Variants in TPCN1 observed in about 807,000 individuals in gnomAD.
TPCN1 encodes the protein two pore segment channel 1.
A neutral mutation model predicts 108.8 loss-of-function variants in TPCN1; 52 were observed. That is an observed-to-expected ratio of 0.48 (90% CI 0.38 to 0.60). The LOEUF (loss-of-function observed/expected upper bound fraction) is 0.60, where lower values mean the gene tolerates loss of function less well. TPCN1 is among the 20% of genes least tolerant of loss of function. TPCN1 has a pLI of 0.00. For missense variants in TPCN1, 806 were observed against 1,072.8 expected (o/e 0.75, Z 3.47); for synonymous variants, 446 against 433.7 (o/e 1.03, Z -0.35).
In TPCN1 at chr12:113,289,656, A is replaced by G. The variant is rs571865807; in HGVS notation, c.1797-472A>G. Among the ~76,000 whole-genome samples, 163 of 152,346 alleles carry G rather than the reference A, an allele frequency of 1.1e-3. 1 individual carries two copies. The highest frequency in any genetic ancestry group is 3.8e-3 in the African/African-American group (158 of 41,590). On this transcript the variant is annotated intron_variant, in intron 21 of 27. Coordinates refer to ENST00000335509, the MANE Select transcript of TPCN1 (RefSeq NM_017901.6). This position sits in a 1 kb window ranked among gnomAD's most constrained non-coding sequence, Gnocchi z 4.1. ...AGAACAGCCATAAAAGATTGGAAGGAAAGTGGCAAATAAGAGCTCCTCAAA... is the reference window on the plus strand; with the variant it reads ...AGAACAGCCATAAAAGATTGGAAGGGAAGTGGCAAATAAGAGCTCCTCAAA...
intron 2 of TPCN1, among the ~76,000 whole-genome samples, chr12:113,255,565 A>C (rs1343815053): frequency 6.6e-6 from 1 of 151,924 alleles, no homozygotes; most frequent in African/African-American, 2.4e-5. Context: ...TCAGTCTGTA[A>C]GCCAAGCTGG....
chr12:113,242,056 C>T (rs1197806913), intron 2 of TPCN1, among the ~76,000 whole-genome samples: 1 of 152,028 alleles, frequency 6.6e-6, no homozygotes, highest in Admixed American at 6.6e-5. Flanking sequence ...TCTGGCAAAC[C>T]GGGGGGCATG....
intron 2 of TPCN1, chr12:113,244,361 G>T (rs1437667428): frequency 1.0e-6 from 1 of 985,352 alleles, no homozygotes; most frequent in Non-Finnish European, 1.2e-6. Flanking sequence ...CCTTTCTGAA[G>T]GTTGGTACAT....
Position 113,285,965 on chromosome 12 carries a change from A to C in TPCN1, c.1526+4A>C. On this transcript the variant is annotated splice_donor_region_variant and intron_variant, in intron 18 of 27. Coordinates refer to ENST00000335509, the MANE Select transcript of TPCN1 (RefSeq NM_017901.6). ...ACTTGTCTTCCGGATGGAACTTGTG[A>C]GTGGACAGCATGTTTCTGACCCAAA... The C allele has an allele frequency of 1.2e-6, 2 of 1,613,644 alleles. No homozygotes were observed. The highest frequency in any genetic ancestry group is 1.7e-6 in the Non-Finnish European group (2 of 1,179,574).
At position 113,261,806 on chromosome 12, in the gene TPCN1, T is replaced by G. The variant is rs993351463; in HGVS notation, c.237+1314T>G. On this transcript the variant is annotated intron_variant, in intron 3 of 27. Coordinates refer to ENST00000335509, the MANE Select transcript of TPCN1 (RefSeq NM_017901.6). ...GATAATCTTGAATATTTTCCCTTAT[T>G]GTAAATTATAGTCCAAGGACAATCT... Among the ~76,000 whole-genome samples the G allele has an allele frequency of 9.2e-5, 14 of 152,328 alleles. No individual in the cohort carries two copies. In the East Asian group the frequency reaches 2.7e-3, roughly 29 times the overall value.
At chr12:113,229,853 G>A (rs1361715987) in intron 2 of TPCN1, among the ~76,000 whole-genome samples, 1 of 152,066 alleles carries the variant, frequency 6.6e-6, no homozygotes, top group Non-Finnish European at 1.5e-5. Flanking sequence ...AAGCTTCCTG[G>A]GACTTTCCCA....
rs200321383 is a variant in TPCN1 at position 113,267,830 on chromosome 12, C to T, written c.415-13C>T. 2 of 1,599,276 alleles carry T rather than the reference C, an allele frequency of 1.3e-6. No individual in the cohort carries two copies. Among genetic ancestry groups the T allele is most frequent in the Admixed American group, 1.7e-5 (1 of 59,984 alleles). On this transcript the variant is annotated splice_polypyrimidine_tract_variant and intron_variant, in intron 4 of 27. Transcript: ENST00000335509. Reference sequence around the variant, plus strand: ...GGCTGGCCATGACACATCTCCACACCCTCTGGTCTCAGGTCCACGCCACCC... The same window carrying T: ...GGCTGGCCATGACACATCTCCACACTCTCTGGTCTCAGGTCCACGCCACCC...
At chr12:113,240,977 C>G (rs896154772) in intron 2 of TPCN1, among the ~76,000 whole-genome samples, 1 of 152,198 alleles carries the variant, frequency 6.6e-6, no homozygotes, top group African/African-American at 2.4e-5. Context: ...AACTTCTGAC[C>G]TCAGGTGAAC....
intron 2 of TPCN1, among the ~76,000 whole-genome samples, chr12:113,236,350 AGGC>A (rs1330613651): frequency 6.6e-6 from 1 of 152,194 alleles, no homozygotes; most frequent in Non-Finnish European, 1.5e-5. Flanking sequence ...TGGTGCCTGT[AGGC>A]ATTTGAGTTT....
chr12:113,257,436 A>G (rs908229330), intron 2 of TPCN1, among the ~76,000 whole-genome samples: 1 of 151,378 alleles, frequency 6.6e-6, no homozygotes, highest in Non-Finnish European at 1.5e-5. Context: ...GGTTTTAGTG[A>G]GCTGAGATGG....
At chr12:113,275,143 T>C (rs1955628654) in intron 10 of TPCN1, among the ~76,000 whole-genome samples, 1 of 152,200 alleles carries the variant, frequency 6.6e-6, no homozygotes, top group South Asian at 2.1e-4. Flanking sequence ...TTTATGCTTC[T>C]GCAGAGCATT....
intron 12 of TPCN1, 130 bp from the exon 13 acceptor site, chr12:113,278,059 G>T: frequency 1.4e-6 from 1 of 703,208 alleles, no homozygotes. Flanking sequence ...TGCTGTGCTG[G>T]GACTCACATG....
At chr12:113,229,605 C>T (rs1953603733) in intron 2 of TPCN1, among the ~76,000 whole-genome samples, 1 of 152,236 alleles carries the variant, frequency 6.6e-6, no homozygotes, top group African/African-American at 2.4e-5. Context: ...TCTCCTGCCT[C>T]AGCCTCCCAA....
At chr12:113,293,194 G>C in intron 26 of TPCN1, 75 bp from the exon 27 acceptor site, 1 of 1,604,534 alleles carries the variant, frequency 6.2e-7, no homozygotes, top group Non-Finnish European at 8.5e-7. Flanking sequence ...AGAGAAGTGG[G>C]AGACGCCAAC....
In TPCN1 at chr12:113,272,276, C is replaced by G. The variant is rs981121753; in HGVS notation, c.749-382C>G. 6.6e-6 allele frequency among the ~76,000 whole-genome samples: 1 copy of G among 152,240 alleles called. No individual in the cohort carries two copies. The highest frequency in any genetic ancestry group is 2.4e-5 in the African/African-American group (1 of 41,468). On this transcript the variant is annotated intron_variant, in intron 7 of 27. Transcript: ENST00000335509. This position sits in a 1 kb window ranked among gnomAD's most constrained non-coding sequence, Gnocchi z 4.1. ...GCGGATCCCTTTGGAATTTAGTCAG[C>G]TGTCATGTTCTCAGAACCTAAGATT...
Position 113,288,506 on chromosome 12 carries a change from C to T in TPCN1, c.1707-252C>T. The T allele has an allele frequency of 1.3e-6, 2 of 1,500,744 alleles. No individual in the cohort carries two copies. Among genetic ancestry groups the T allele is most frequent in the Non-Finnish European group, 1.8e-6 (2 of 1,127,776 alleles). 93.0% of individuals were successfully genotyped at this position (1,500,744 alleles called of 1,614,324 possible). Reference sequence around the variant, plus strand: ...GTCTACATTCACAGGTAAGGGGTCACCTGTGAGTCTACCTTCACAGGTAAG... The same window carrying T: ...GTCTACATTCACAGGTAAGGGGTCATCTGTGAGTCTACCTTCACAGGTAAG... On this transcript the variant is annotated intron_variant, in intron 20 of 27. Transcript: ENST00000335509. The surrounding 1 kb of genome is among the most constrained non-coding windows in gnomAD (Gnocchi z 4.8).
In TPCN1 at chr12:113,288,770, C is replaced by G. The variant is rs767741127; in HGVS notation, c.1719C>G (p.Thr573=). 1 of 1,612,934 alleles carries G rather than the reference C, an allele frequency of 6.2e-7. No individual in the cohort carries two copies. The highest frequency in any genetic ancestry group is 8.5e-7 in the Non-Finnish European group (1 of 1,180,022). The change falls in exon 21 of 28, where the codon ACC becomes ACG. Residue 573 remains threonine, a synonymous_variant. Transcript: ENST00000335509. The surrounding 1 kb of genome is among the most constrained non-coding windows in gnomAD (Gnocchi z 4.8). ...LLPRMASLGL[T]LLIFYYSFAI... is the part of the protein sequence containing the mutation. ...TGTCGCCCCACAGCCTGGGCCTCAC[C>G]CTGCTCATCTTTTACTACTCCTTCG...
In TPCN1 at chr12:113,269,457, C is replaced by T. The variant is rs1340525825; in HGVS notation, c.660-300C>T. On this transcript the variant is annotated intron_variant, in intron 6 of 27. Transcript: ENST00000335509. This position sits in a 1 kb window ranked among gnomAD's most constrained non-coding sequence, Gnocchi z 5.0. ...TCCTGCTCATGGAAACTGACCTTTG[C>T]ACCCAAGGTCATGCCCTTGGCCTTC... 1.3e-5 allele frequency among the ~76,000 whole-genome samples: 2 copies of T among 152,218 alleles called. No homozygotes were observed. Among genetic ancestry groups the T allele is most frequent in the African/African-American group, 4.8e-5 (2 of 41,462 alleles).
At chr12:113,233,867 A>AG (rs1953788431) in intron 2 of TPCN1, among the ~76,000 whole-genome samples, 2 of 152,018 alleles carry the variant, frequency 1.3e-5, no homozygotes, top group Admixed American at 1.3e-4. Context: ...AGACACTTTG[A>AG]CTTCCTTTGA....
Sources: gnomAD v4.1 joint callset for allele counts (sites outside exome capture counted in the v4.1 genomes callset) on GRCh38, gnomAD v4.1.1 for gene constraint, Gnocchi (gnomAD v3.1) non-coding constraint, MANE v1.5 for transcripts, NCBI Gene and HGNC (gene_info 2026-07-23, HGNC 2026-07-21) for gene names.